HYAL1: variants seen among roughly 807,000 people sequenced by gnomAD.
The protein encoded by HYAL1 is hyaluronidase-1.
Under a neutral mutation model 28.8 loss-of-function variants are expected in HYAL1, and 21 were observed. The observed-to-expected ratio is 0.73, with a 90% CI of 0.52 to 1.05. HYAL1 has a LOEUF of 1.05. Among genes scored for constraint, HYAL1 ranks in the 50% least tolerant of loss-of-function variants. The pLI is 0.00. For synonymous variants in HYAL1, 200 were observed against 230.1 expected, an observed-to-expected ratio of 0.87 and a Z score of 1.18; for missense variants, 491 against 579.2, an observed-to-expected ratio of 0.85 and a Z score of 1.56.
upstream of HYAL1, among the ~76,000 whole-genome samples, chr3:50,306,596 AT>A (rs1702338602): frequency 6.6e-6 from 1 of 151,244 alleles, no homozygotes; most frequent in East Asian, 1.9e-4. Context: ...GATTAAAAAA[AT>A]TTTTTTTGGC....
upstream of HYAL1, chr3:50,303,716 T>C (rs782776551): frequency 6.6e-6 from 1 of 152,134 alleles, no homozygotes; most frequent in Non-Finnish European, 1.5e-5. Context: ...GGGATCTTGG[T>C]TGGGGGTGGG....
upstream of HYAL1, among the ~76,000 whole-genome samples, chr3:50,305,900 C>T (rs587655249): frequency 3.7e-4 from 56 of 151,474 alleles, no homozygotes; most frequent in Non-Finnish European, 1.3e-4. Context: ...AAGCTGTGCC[C>T]GGAACACCTT....
chr3:50,307,526 A>G (rs1702355386), upstream of HYAL1, among the ~76,000 whole-genome samples: 1 of 146,838 alleles, frequency 6.8e-6, no homozygotes. Context: ...TAAAAATACA[A>G]AAAATTAAGC....
At chr3:50,305,605 G>A (rs1442000296), upstream of HYAL1, among the ~76,000 whole-genome samples, 7 of 136,852 alleles carry the variant, frequency 5.1e-5, 1 homozygote, top group Admixed American at 2.2e-4. Context: ...GCATGATCTC[G>A]GCTCACTGCA....
rs1702056804 is a variant in HYAL1 at position 50,300,078 on chromosome 3, TGTGA to T, written c.*401_*404del. On this transcript the variant is annotated 3_prime_UTR_variant, in exon 4 of 4. Transcript: ENST00000395144. ...CCTTGGGCAACGTGCTTACTCTCAA[TGTGA>T]GTGACTCAGTTTCCTCATAGCCTCA... The T allele has an allele frequency of 3.4e-6, 1 of 290,642 alleles. No individual in the cohort carries two copies. Among genetic ancestry groups the T allele is most frequent in the South Asian group, 3.3e-5 (1 of 30,152 alleles). The allele number at this position is 290,642 out of a possible 1,614,324, so 18.0% of individuals were successfully genotyped here.
Position 50,300,449 on chromosome 3 carries a change from G to A in HYAL1, c.*34C>T. On this transcript the variant is annotated 3_prime_UTR_variant, in exon 4 of 4. Coordinates refer to ENST00000395144, the MANE Select transcript of HYAL1 (RefSeq NM_033159.4). ...CCCTGGCCAGACCCAGAGTGCATTA[G>A]GTTCTCAATATGTGCAACTCAGTGT... 1 of 1,609,688 alleles carries A rather than the reference G, an allele frequency of 6.2e-7. No individual in the cohort carries two copies. Among genetic ancestry groups the A allele is most frequent in the South Asian group, 1.1e-5 (1 of 90,976 alleles).
chr3:50,310,265 G>GTT (rs1284186892), intron 1 of HYAL1, among the ~76,000 whole-genome samples: 45 of 124,686 alleles, frequency 3.6e-4, no homozygotes, highest in Admixed American at 5.6e-4. Flanking sequence ...TAAGCTGTGT[G>GTT]TTTTTTTTTT....
At chr3:50,301,109 C>G (rs369900525) in intron 2 of HYAL1, 32 bp from the exon 3 acceptor site, 22 of 1,406,760 alleles carry the variant, frequency 1.6e-5, no homozygotes, top group Non-Finnish European at 2.1e-5. Context: ...TCTGTGGGGC[C>G]TCCTTCCCAC....
At chr3:50,308,154 T>G (rs1168328198), upstream of HYAL1, among the ~76,000 whole-genome samples, 2 of 150,244 alleles carry the variant, frequency 1.3e-5, no homozygotes, top group African/African-American at 5.0e-5. Flanking sequence ...CAGGGTAGAG[T>G]CTTGCTTTGT....
At chr3:50,300,939 T>TGGGGGGGGGGGGGGGG in intron 3 of HYAL1, 49 bp downstream of exon 3, 34 of 959,328 alleles carry the variant, frequency 3.5e-5, no homozygotes, top group Non-Finnish European at 4.7e-5. Flanking sequence ...GTCAGCTTAA[T>TGGGGGGGGGGGGGGGG]GGCCCCACCC....
upstream of HYAL1, among the ~76,000 whole-genome samples, chr3:50,306,261 A>T (rs1553714011): frequency 2.4e-5 from 3 of 124,224 alleles, no homozygotes; most frequent in Non-Finnish European, 4.8e-5. Flanking sequence ...ACTTGCTCCC[A>T]AAAGGAAAGC....
At chr3:50,310,115 G>GT (rs1218343624) in intron 1 of HYAL1, among the ~76,000 whole-genome samples, 1 of 151,190 alleles carries the variant, frequency 6.6e-6, no homozygotes, top group Non-Finnish European at 1.5e-5. Flanking sequence ...AGTCTTAACT[G>GT]TTTTTTTGTT....
Sources: allele counts gnomAD v4.1 joint callset (sites outside exome capture counted in the v4.1 genomes callset), GRCh38; gene constraint gnomAD v4.1.1; transcripts MANE v1.5; gene names NCBI Gene and HGNC (gene_info 2026-07-23, HGNC 2026-07-21).